KIAA1549L: variants seen among roughly 807,000 people sequenced by gnomAD.
The protein encoded by KIAA1549L is UPF0606 protein KIAA1549L.
Under a neutral mutation model 160.7 loss-of-function variants are expected in KIAA1549L, and 88 were observed. That is an observed-to-expected ratio of 0.55 (90% confidence interval 0.46 to 0.65). KIAA1549L has a LOEUF of 0.65. Ranked by LOEUF, KIAA1549L falls within the 30% of genes least tolerant of loss-of-function variation. KIAA1549L has a pLI of 0.00. For missense variants in KIAA1549L, 2,258 were observed against 2,437.5 expected (o/e 0.93, Z 1.55); for synonymous variants, 950 against 976.7 (o/e 0.97, Z 0.51).
chr11:33,505,068 T>C (rs1167634105), intron 1 of KIAA1549L, among the ~76,000 whole-genome samples: 1 of 152,192 alleles, frequency 6.6e-6, no homozygotes, highest in Non-Finnish European at 1.5e-5. Context: ...ACCTGGCCGA[T>C]TGTTGCAGAT....
intron 1 of KIAA1549L, among the ~76,000 whole-genome samples, chr11:33,440,373 G>A (rs540364636): frequency 4.6e-5 from 7 of 151,302 alleles, no homozygotes; most frequent in Non-Finnish European, 7.4e-5. Context: ...CTCGTGATCC[G>A]CCCGCCTCGG....
intron 11 of KIAA1549L, 113 bp downstream of exon 11, chr11:33,583,614 G>C (rs553930748): frequency 3.4e-5 from 33 of 965,040 alleles, no homozygotes; most frequent in Non-Finnish European, 4.8e-5. Context: ...CATCAGGGCA[G>C]GTCCTCATTT....
chr11:33,561,628 C>A, intron 7 of KIAA1549L, 48 bp from the exon 8 acceptor site: 1 of 1,385,314 alleles, frequency 7.2e-7, no homozygotes, highest in Non-Finnish European at 1.0e-6. Flanking sequence ...TGAAACGAAA[C>A]AAATCAAACC....
rs1554976830 is a variant in KIAA1549L at position 33,435,818 on chromosome 11, G to GTGTGTATA, written c.238+58930_238+58931insGTGTATAT. Among the ~76,000 whole-genome samples, 20 of 45,322 alleles carry GTGTGTATA rather than the reference G, an allele frequency of 4.4e-4. 2 individuals carry two copies. The highest frequency in any genetic ancestry group is 1.3e-3 in the African/African-American group (15 of 11,742). 29.7% of individuals were successfully genotyped at this position (45,322 alleles called of 152,430 possible). A position where few individuals can be genotyped will look rare whatever the true frequency, so the allele number is the denominator to read the frequency against. On this transcript the variant is annotated intron_variant, in intron 1 of 20. Coordinates refer to ENST00000658780, the MANE Select transcript of KIAA1549L (RefSeq NM_012194.3). ...TATATATATATATATATATGTGTGTGTATATATATATATGTATATGTATAT... is the reference window on the plus strand; with the variant it reads ...TATATATATATATATATATGTGTGTGTGTGTATATATATATATATATGTATATGTATAT...
chr11:33,579,429 C>G (rs1476199436), intron 10 of KIAA1549L, among the ~76,000 whole-genome samples: 1 of 152,198 alleles, frequency 6.6e-6, no homozygotes, highest in Non-Finnish European at 1.5e-5. Context: ...CTCCAGTCCC[C>G]TTTCCATCTT....
At chr11:33,453,724 T>G (rs1010486973) in intron 1 of KIAA1549L, among the ~76,000 whole-genome samples, 1 of 152,230 alleles carries the variant, frequency 6.6e-6, no homozygotes, top group African/African-American at 2.4e-5. Flanking sequence ...CAAATCAGAT[T>G]AAAATAGCTA....
chr11:33,480,360 G>A (rs1367559170), intron 1 of KIAA1549L, among the ~76,000 whole-genome samples: 1 of 152,138 alleles, frequency 6.6e-6, no homozygotes, highest in Non-Finnish European at 1.5e-5. Context: ...GCATGTATCA[G>A]AACTTCATTC....
At chr11:33,427,494 TC>T (rs1007583024) in intron 1 of KIAA1549L, among the ~76,000 whole-genome samples, 4 of 152,212 alleles carry the variant, frequency 2.6e-5, no homozygotes, top group Middle Eastern at 6.8e-3. Context: ...TGGCCATGCA[TC>T]CCCCTTCGCT....
intron 11 of KIAA1549L, among the ~76,000 whole-genome samples, chr11:33,585,995 A>G (rs762899185): frequency 6.6e-6 from 1 of 152,236 alleles, no homozygotes; most frequent in Non-Finnish European, 1.5e-5. Flanking sequence ...ATGGGAAACC[A>G]GCAGGGTGGA....
Position 33,408,949 on chromosome 11 carries a change from C to CAAA in KIAA1549L, c.238+32080_238+32082dup, listed in dbSNP as rs763850676. On this transcript the variant is annotated intron_variant, in intron 1 of 20. Coordinates refer to ENST00000658780, the MANE Select transcript of KIAA1549L (RefSeq NM_012194.3). ...TGGGTGACAGAGCGCGACTCCATCT[C>CAAA]AAAAAAAAAAAAAAAAAAAAAATTA... 2.7e-3 allele frequency among the ~76,000 whole-genome samples: 183 copies of CAAA among 66,646 alleles called. 5 individuals carry two copies. The highest frequency in any genetic ancestry group is 6.1e-3 in the African/African-American group (98 of 16,180). 43.7% of individuals were successfully genotyped at this position (66,646 alleles called of 152,430 possible).
At chr11:33,578,352 C>T (rs2133256625) in intron 10 of KIAA1549L, among the ~76,000 whole-genome samples, 1 of 152,272 alleles carries the variant, frequency 6.6e-6, no homozygotes, top group East Asian at 1.9e-4. Context: ...ACCCTCTGAC[C>T]CTTCCAGCCT....
At chr11:33,643,788 G>A (rs1851649446) in intron 16 of KIAA1549L, among the ~76,000 whole-genome samples, 1 of 152,144 alleles carries the variant, frequency 6.6e-6, no homozygotes, top group African/African-American at 2.4e-5. Flanking sequence ...GTCCCTTCAG[G>A]CTCTGAAATT....
At chr11:33,429,187 G>A (rs377412780) in intron 1 of KIAA1549L, among the ~76,000 whole-genome samples, 175 of 152,254 alleles carry the variant, frequency 1.1e-3, no homozygotes, top group African/African-American at 4.2e-3. Context: ...GGCCAGGCTG[G>A]TCTCAAACTC....
intron 15 of KIAA1549L, among the ~76,000 whole-genome samples, chr11:33,612,572 G>C (rs371492886): frequency 2.0e-4 from 30 of 151,438 alleles, no homozygotes; most frequent in African/African-American, 7.3e-4. Flanking sequence ...TTCTTGCATT[G>C]CTATAAAAAA....
chr11:33,443,363 C>T (rs1259387747), intron 1 of KIAA1549L, among the ~76,000 whole-genome samples: 1 of 151,314 alleles, frequency 6.6e-6, no homozygotes, highest in African/African-American at 2.4e-5. Flanking sequence ...AAAACTTTAT[C>T]TGTGGGGATT....
chr11:33,625,258 C>G (rs1449866618), intron 16 of KIAA1549L, among the ~76,000 whole-genome samples: 2 of 151,894 alleles, frequency 1.3e-5, no homozygotes, highest in Non-Finnish European at 2.9e-5. Context: ...ATTTATAGTC[C>G]TTTGGGTATA....
rs763561596 is a variant in KIAA1549L at position 33,671,232 on chromosome 11, T to G, written c.*3078T>G. 3 of 152,136 alleles carry G rather than the reference T, an allele frequency of 2.0e-5. No homozygotes were observed. The highest frequency in any genetic ancestry group is 6.5e-5 in the Admixed American group (1 of 15,268). The allele number at this position is 152,136 out of a possible 1,614,324, so 9.4% of individuals were successfully genotyped here. A position where few individuals can be genotyped will look rare whatever the true frequency, so the allele number is the denominator to read the frequency against. On this transcript the variant is annotated 3_prime_UTR_variant, in exon 21 of 21. Coordinates refer to ENST00000658780, the MANE Select transcript of KIAA1549L (RefSeq NM_012194.3). Reference sequence around the variant, plus strand: ...AGACCTCAACTGCTGTTCTAGACTGTGGGGGTGCATTCCTGTCTCAGCACC... The same window carrying G: ...AGACCTCAACTGCTGTTCTAGACTGGGGGGGTGCATTCCTGTCTCAGCACC...
chr11:33,525,277 C>G (rs1255680979), intron 1 of KIAA1549L, among the ~76,000 whole-genome samples: 1 of 152,190 alleles, frequency 6.6e-6, no homozygotes, highest in Non-Finnish European at 1.5e-5. Flanking sequence ...AAGTTGGTCT[C>G]TGACACACAT....
chr11:33,507,582 C>T (rs894657471), intron 1 of KIAA1549L, among the ~76,000 whole-genome samples: 1 of 152,080 alleles, frequency 6.6e-6, no homozygotes, highest in Non-Finnish European at 1.5e-5. Context: ...GGATACAGGC[C>T]GTTTTTGGTT....
Sources: gnomAD v4.1 joint callset for allele counts (sites outside exome capture counted in the v4.1 genomes callset) on GRCh38, gnomAD v4.1.1 for gene constraint, MANE v1.5 for transcripts, NCBI Gene and HGNC (gene_info 2026-07-23, HGNC 2026-07-21) for gene names.